Variants in SARS1 observed in about 807,000 individuals in gnomAD.
SARS1 encodes the protein serine--tRNA ligase, cytoplasmic.
SARS1 carries 25 observed loss-of-function variants against 63.7 expected under a neutral mutation model. The ratio of observed to expected loss-of-function variants is 0.39; its 90% CI spans 0.29 to 0.55. The LOEUF is 0.55. SARS1 is among the 20% of genes least tolerant of loss of function. The probability of loss-of-function intolerance (pLI) is 0.62; values close to 1 mark genes in which losing one functional copy is unlikely to be tolerated. For synonymous variants in SARS1, 231 were observed against 243.5 expected (o/e 0.95, Z 0.48); for missense variants, 417 against 649.7 (o/e 0.64, Z 3.89).
intron 6 of SARS1, among the ~76,000 whole-genome samples, chr1:109,234,094 G>A (rs896460293): frequency 2.6e-5 from 4 of 151,494 alleles, no homozygotes; most frequent in African/African-American, 9.7e-5. Context: ...GGCCAGGCTG[G>A]TCTCGAGCTC....
Position 109,237,190 on chromosome 1 carries a change from T to C in SARS1, c.1258-54T>C. ...TGAATGGATGGTTCCTGGCCGTCAG[T>C]AAGACCCGATGAGAGTTGAGCCCGA... On this transcript the variant is annotated intron_variant, in intron 9 of 10. Transcript: ENST00000234677. This position sits in a 1 kb window ranked among gnomAD's most constrained non-coding sequence, Gnocchi z 4.1. The C allele has an allele frequency of 6.4e-7, 1 of 1,574,084 alleles. No homozygotes were observed. Among genetic ancestry groups the C allele is most frequent in the Non-Finnish European group, 8.6e-7 (1 of 1,163,542 alleles).
At position 109,226,052 on chromosome 1, in the gene SARS1, G is replaced by C. The variant is rs189440158; in HGVS notation, c.207+2004G>C. Reference sequence around the variant, plus strand: ...TTATTGCCCAGGCTGGAGCGCAGTGGCACAATCATGGCTCACTGCAGCCTC... The same window carrying C: ...TTATTGCCCAGGCTGGAGCGCAGTGCCACAATCATGGCTCACTGCAGCCTC... On this transcript the variant is annotated intron_variant, in intron 2 of 10. Coordinates refer to ENST00000234677, the MANE Select transcript of SARS1 (RefSeq NM_006513.4). Among the ~76,000 whole-genome samples the C allele has an allele frequency of 2.3e-4, 35 of 151,942 alleles. 1 individual carries two copies. The East Asian group carries it at 4.8e-3, about 21-fold the overall frequency.
chr1:109,220,596 G>A (rs549456062), intron 1 of SARS1, among the ~76,000 whole-genome samples: 1 of 152,204 alleles, frequency 6.6e-6, no homozygotes, highest in East Asian at 1.9e-4. Flanking sequence ...TATTTATATC[G>A]TGTGGATAGA....
In SARS1 at chr1:109,236,279, G is replaced by T. The variant is rs1025404049; in HGVS notation, c.1100-112G>T. The T allele has an allele frequency of 2.5e-5, 33 of 1,328,850 alleles. No individual in the cohort carries two copies. In the Admixed American group the frequency reaches 6.8e-4, roughly 27 times the overall value. 82.3% of individuals were successfully genotyped at this position (1,328,850 alleles called of 1,614,324 possible). On this transcript the variant is annotated intron_variant, in intron 8 of 10. Transcript: ENST00000234677. ...TTTGGTGTTAAGAATATCTGGGTGTGATTTCACCTCTGGAGACAGGACATG... is the reference window on the plus strand; with the variant it reads ...TTTGGTGTTAAGAATATCTGGGTGTTATTTCACCTCTGGAGACAGGACATG...
chr1:109,231,228 A>G (rs1226841690), intron 5 of SARS1: 1 of 290,972 alleles, frequency 3.4e-6, no homozygotes, highest in Admixed American at 5.1e-5. Context: ...ATTCCGTAGA[A>G]CAAAAGCCAC....
chr1:109,235,349 G>C lies in SARS1; in HGVS notation c.887G>C (p.Gly296Ala). ...GAGGACCTGCCCATCAAGTATGCTG[G>C]CCTGTCTACCTGCTTCCGTCAGGAG... ...RPEDLPIKYAGLSTCFRQEVG... is the reference protein window; with the variant it reads ...RPEDLPIKYAALSTCFRQEVG... Residue 296 changes from glycine (G) to alanine (A), a missense_variant, in exon 7 of 11, where the codon GGC becomes GCC. Physicochemically the swap from Gly to Ala is moderately conservative, Grantham distance 60. Transcript: ENST00000234677. This position sits in a 1 kb window ranked among gnomAD's most constrained non-coding sequence, Gnocchi z 4.7. 1 of 1,614,096 alleles carries C rather than the reference G, an allele frequency of 6.2e-7. No homozygotes were observed. The highest frequency in any genetic ancestry group is 2.2e-5 in the East Asian group (1 of 44,880).
At chr1:109,231,170 G>A (rs937945444) in intron 5 of SARS1, 149 bp downstream of exon 5, 1 of 422,064 alleles carries the variant, frequency 2.4e-6, no homozygotes, top group East Asian at 5.5e-5. Flanking sequence ...CAAATGTATT[G>A]GCAATTAGAT....
intron 8 of SARS1, 140 bp from the exon 9 acceptor site, chr1:109,236,251 G>A (rs1655307156): frequency 7.8e-7 from 1 of 1,279,810 alleles, no homozygotes; most frequent in East Asian, 2.3e-5. Context: ...TCACTTGGGA[G>A]TATTTGGTGT....
chr1:109,214,453 G>A lies in SARS1; in HGVS notation c.136+325G>A, dbSNP rs1654737749. 2 of 895,812 alleles carry A rather than the reference G, an allele frequency of 2.2e-6. No homozygotes were observed. Among genetic ancestry groups the A allele is most frequent in the Non-Finnish European group, 2.8e-6 (2 of 710,750 alleles). 55.5% of individuals were successfully genotyped at this position (895,812 alleles called of 1,614,324 possible). ...AACATGCCGGGGCGGGAGGTTGTGG[G>A]GTCTACGCGGCTTTCCTAACACGAA... On this transcript the variant is annotated intron_variant, in intron 1 of 10. Coordinates refer to ENST00000234677, the MANE Select transcript of SARS1 (RefSeq NM_006513.4). This position sits in a 1 kb window ranked among gnomAD's most constrained non-coding sequence, Gnocchi z 4.6.
At chr1:109,226,606 GCCT>G (rs1385617805) in intron 2 of SARS1, among the ~76,000 whole-genome samples, 1 of 138,598 alleles carries the variant, frequency 7.2e-6, no homozygotes, top group East Asian at 2.1e-4. Flanking sequence ...CAGTCCCCCC[GCCT>G]CAGCCTCCCA....
rs1225187050 is a variant in SARS1 at position 109,228,357 on chromosome 1, A to C, written c.213A>C (p.Lys71Asn). 1 of 1,610,760 alleles carries C rather than the reference A, an allele frequency of 6.2e-7. No individual in the cohort carries two copies. Among genetic ancestry groups the C allele is most frequent in the Admixed American group, 1.7e-5 (1 of 59,296 alleles). Residue 71 changes from lysine to asparagine, a missense_variant, in exon 3 of 11, where the codon AAA (lysine) becomes AAC (asparagine). Around this residue, in one of 3 missense-constraint regions of SARS1, gnomAD observed 359 missense variants for 529.6 expected, o/e 0.68. Transcript: ENST00000234677. ...SKTIGEKMKKKEPVGDDESVP... is the reference protein window; with the variant it reads ...SKTIGEKMKKNEPVGDDESVP... ...GGTTTTTTTCCTTCCTGCAGAAAAA[A>C]GAGCCAGTGGGAGATGATGAGTCTG... is the stretch of plus-strand genomic sequence containing the variant.
At chr1:109,215,197 T>G in intron 1 of SARS1, 1 of 985,460 alleles carries the variant, frequency 1.0e-6, no homozygotes, top group Non-Finnish European at 1.2e-6. Context: ...TTGTAGTAGT[T>G]TGTTTGATTG....
At chr1:109,226,144 A>ATTTT (rs771525135) in intron 2 of SARS1, among the ~76,000 whole-genome samples, 9 of 126,450 alleles carry the variant, frequency 7.1e-5, no homozygotes, top group African/African-American at 8.8e-5. Context: ...CACTCGGCTA[A>ATTTT]TTTTTTTTTT....
chr1:109,231,901 T>C lies in SARS1; in HGVS notation c.747+115T>C, dbSNP rs1570761913. The C allele has an allele frequency of 5.7e-6, 5 of 881,998 alleles. No homozygotes were observed. In the East Asian group the frequency reaches 1.6e-4, roughly 29 times the overall value. 54.6% of individuals were successfully genotyped at this position (881,998 alleles called of 1,614,324 possible). A position where few individuals can be genotyped will look rare whatever the true frequency, so the allele number is the denominator to read the frequency against. On this transcript the variant is annotated intron_variant, in intron 6 of 10. Transcript: ENST00000234677. ...TCTGCGATGATGGAAACGTTCTCTC[T>C]CTGTGACTCTTGAGCACTTAAAATG...
chr1:109,230,817 A>G (rs1655192198), intron 4 of SARS1, 61 bp from the exon 5 acceptor site: 1 of 1,471,080 alleles, frequency 6.8e-7, no homozygotes, highest in Non-Finnish European at 9.2e-7. Context: ...AAAAAAAAAA[A>G]TAATTTAAAA....
At chr1:109,217,159 T>C in intron 1 of SARS1, 4 of 982,246 alleles carry the variant, frequency 4.1e-6, no homozygotes, top group Non-Finnish European at 4.8e-6. Context: ...GCTTCATGTA[T>C]ACAGATGCTC....
At chr1:109,219,187 AC>A in intron 1 of SARS1, among the ~76,000 whole-genome samples, 1 of 146,150 alleles carries the variant, frequency 6.8e-6, no homozygotes, top group African/African-American at 2.5e-5. Flanking sequence ...AATGGCATGA[AC>A]CCAGGAGGCG....
In SARS1 at chr1:109,235,203, T is replaced by C. The variant is rs370663371; in HGVS notation, c.748-7T>C. ...CTCTTAACTGGTATAGCTCCTTCCT[T>C]CCACAGGTGATTGGCAAAGGCAGTG... is the stretch of plus-strand genomic sequence containing the variant. On this transcript the variant is annotated splice_polypyrimidine_tract_variant and splice_region_variant and intron_variant, in intron 6 of 10. Transcript: ENST00000234677. The surrounding 1 kb of genome is among the most constrained non-coding windows in gnomAD (Gnocchi z 4.7). The C allele has an allele frequency of 4.3e-6, 7 of 1,611,700 alleles. No individual in the cohort carries two copies. The highest frequency in any genetic ancestry group is 5.9e-6 in the Non-Finnish European group (7 of 1,177,932).
In SARS1 at chr1:109,237,990, C is replaced by T. The variant is rs11547492; in HGVS notation, c.*102C>T. ...CCAAGCACCCATTCATCCCCCTGCC[C>T]CCATCTGACTGCGTAGCTGAGAGGG... On this transcript the variant is annotated 3_prime_UTR_variant, in exon 11 of 11. Transcript: ENST00000234677. The surrounding 1 kb of genome is among the most constrained non-coding windows in gnomAD (Gnocchi z 4.1). 293 of 1,312,184 alleles carry T rather than the reference C, an allele frequency of 2.2e-4. No homozygotes were observed. The highest frequency in any genetic ancestry group is 2.8e-4 in the Non-Finnish European group (261 of 942,238). The allele number at this position is 1,312,184 out of a possible 1,614,324, so 81.3% of individuals were successfully genotyped here.
Sources: gnomAD v4.1 joint callset for allele counts (sites outside exome capture counted in the v4.1 genomes callset) on GRCh38, gnomAD v4.1.1 for gene constraint, gnomAD v4.1.1 regional missense constraint, Gnocchi (gnomAD v3.1) non-coding constraint, MANE v1.5 for transcripts, NCBI Gene and HGNC (gene_info 2026-07-23, HGNC 2026-07-21) for gene names.